The following TTC17 variants were observed in gnomAD, a reference collection of about 807,000 sequenced individuals.
TTC17 encodes the protein tetratricopeptide repeat protein 17.
In TTC17, 58 loss-of-function variants were observed where a neutral mutation model predicts 143.8. The ratio of observed to expected loss-of-function variants is 0.40; its 90% confidence interval spans 0.33 to 0.50. The LOEUF is 0.50. TTC17 is among the 20% of genes least tolerant of loss of function. The probability of loss-of-function intolerance (pLI) is 0.49; values close to 1 mark genes in which losing one functional copy is unlikely to be tolerated. For missense variants in TTC17, 1,273 were observed against 1,392.5 expected (o/e 0.91, Z 1.37); for synonymous variants, 501 against 497.8 (o/e 1.01, Z -0.09).
intron 16 of TTC17, chr11:43,436,168 T>A: frequency 7.2e-7 from 1 of 1,392,120 alleles, no homozygotes; most frequent in Non-Finnish European, 9.3e-7. Flanking sequence ...ATTGAGGTAA[T>A]TGTCATGAGA....
In TTC17 at chr11:43,430,803, A is replaced by G. The variant is rs367998391; in HGVS notation, c.2252-12522A>G. On this transcript the variant is annotated intron_variant, in intron 16 of 23. Coordinates refer to ENST00000039989, the MANE Select transcript of TTC17 (RefSeq NM_018259.6). ...ACTTCTTTTTTTAATTATTATTATTATACTTGAAGTTCTGGGATACATGTG... is the reference window on the plus strand; with the variant it reads ...ACTTCTTTTTTTAATTATTATTATTGTACTTGAAGTTCTGGGATACATGTG... Among the ~76,000 whole-genome samples, 57 of 151,560 alleles carry G rather than the reference A, an allele frequency of 3.8e-4. No homozygotes were observed. In the Middle Eastern group the frequency reaches 0.01, roughly 27 times the overall value.
intron 2 of TTC17, among the ~76,000 whole-genome samples, chr11:43,388,238 T>A (rs796583295): frequency 2.0e-5 from 3 of 152,270 alleles, no homozygotes; most frequent in African/African-American, 7.2e-5. Context: ...AATGAAAAAT[T>A]TAGAGCTATC....
intron 21 of TTC17, among the ~76,000 whole-genome samples, chr11:43,461,402 A>C (rs988510347): frequency 1.3e-5 from 2 of 150,164 alleles, no homozygotes; most frequent in Non-Finnish European, 3.0e-5. Flanking sequence ...AAAAAAAAAA[A>C]AAAAAAAAAA....
At chr11:43,417,796 A>G (rs1186181535) in intron 16 of TTC17, among the ~76,000 whole-genome samples, 2 of 152,236 alleles carry the variant, frequency 1.3e-5, no homozygotes, top group East Asian at 3.8e-4. Context: ...GGTTGCGGTG[A>G]GCTGAGATTG....
At chr11:43,364,288 C>G (rs1856242582) in intron 1 of TTC17, among the ~76,000 whole-genome samples, 1 of 152,028 alleles carries the variant, frequency 6.6e-6, no homozygotes, top group Non-Finnish European at 1.5e-5. Flanking sequence ...AACTCCAGGC[C>G]TCAAGCGATC....
intron 16 of TTC17, among the ~76,000 whole-genome samples, chr11:43,427,172 G>C (rs1947048521): frequency 6.6e-6 from 1 of 152,194 alleles, no homozygotes; most frequent in African/African-American, 2.4e-5. Context: ...AACCAAGTCT[G>C]TTGGTTTTCC....
chr11:43,400,084 G>A lies in TTC17; in HGVS notation c.1219+36G>A, dbSNP rs376611810. On this transcript the variant is annotated intron_variant, in intron 9 of 23. Transcript: ENST00000039989. ...ACTCCAAGTAATTGAAGACAGGTTAGGAAATTCACTTTTAGCATGCTTTAC... is the reference window on the plus strand; with the variant it reads ...ACTCCAAGTAATTGAAGACAGGTTAAGAAATTCACTTTTAGCATGCTTTAC... The A allele has an allele frequency of 3.3e-5, 52 of 1,593,544 alleles. No individual in the cohort carries two copies. In the South Asian group the frequency reaches 4.2e-4, roughly 13 times the overall value.
At chr11:43,474,358 T>C (rs932064157) in intron 21 of TTC17, among the ~76,000 whole-genome samples, 28 of 152,200 alleles carry the variant, frequency 1.8e-4, no homozygotes, top group Non-Finnish European at 3.8e-4. Flanking sequence ...GAAAAAGATA[T>C]TTTAAAATGA....
chr11:43,470,367 A>C (rs1948069344), intron 21 of TTC17, among the ~76,000 whole-genome samples: 1 of 152,168 alleles, frequency 6.6e-6, no homozygotes, highest in Non-Finnish European at 1.5e-5. Context: ...TGTGGGAACT[A>C]CCCTAGTTTA....
intron 18 of TTC17, chr11:43,446,777 C>A: frequency 1.5e-6 from 1 of 645,662 alleles, no homozygotes; most frequent in Non-Finnish European, 1.9e-6. Context: ...CCTTCCCAGA[C>A]AAGACAGTTC....
At chr11:43,487,366 G>A (rs1465750676) in intron 21 of TTC17, among the ~76,000 whole-genome samples, 4 of 152,162 alleles carry the variant, frequency 2.6e-5, no homozygotes, top group South Asian at 2.1e-4. Flanking sequence ...GGCTGGTTTC[G>A]AACTCCTGAC....
At chr11:43,379,587 C>T (rs1197394751) in intron 2 of TTC17, among the ~76,000 whole-genome samples, 1 of 151,994 alleles carries the variant, frequency 6.6e-6, no homozygotes, top group Non-Finnish European at 1.5e-5. Context: ...TATCTTTGAA[C>T]AGAATTTCTG....
intron 1 of TTC17, among the ~76,000 whole-genome samples, chr11:43,362,343 G>A (rs1856150875): frequency 6.6e-6 from 1 of 152,076 alleles, no homozygotes; most frequent in Admixed American, 6.5e-5. Flanking sequence ...AGTACATCAA[G>A]GAGTCTTTCC....
intron 15 of TTC17, among the ~76,000 whole-genome samples, chr11:43,408,803 G>A (rs982416996): frequency 6.6e-6 from 1 of 151,836 alleles, no homozygotes; most frequent in Non-Finnish European, 1.5e-5. Flanking sequence ...GTGCAGTGGC[G>A]TGGTCACGGC....
Position 43,473,046 on chromosome 11 carries a change from G to A in TTC17, c.3031-17193G>A, listed in dbSNP as rs114746461. Among the ~76,000 whole-genome samples, 952 of 151,602 alleles carry A rather than the reference G, an allele frequency of 6.3e-3. 13 individuals carry two copies. The highest frequency in any genetic ancestry group is 0.021 in the African/African-American group (886 of 41,306). On this transcript the variant is annotated intron_variant, in intron 21 of 23. Transcript: ENST00000039989. The stretch of plus-strand genomic sequence containing the variant: ...AAAAATTAACCATGTGCGGTGGTGC[G>A]TGCCTGTAATCCCAGCTACTTGGGA...
intron 1 of TTC17, 165 bp downstream of exon 1, chr11:43,359,278 C>A: frequency 1.2e-6 from 1 of 823,670 alleles, no homozygotes; most frequent in Non-Finnish European, 1.8e-6. Context: ...CAGGCAGGCA[C>A]TTCCCGCTCC....
chr11:43,480,712 A>T (rs1207548868), intron 21 of TTC17, among the ~76,000 whole-genome samples: 1 of 152,200 alleles, frequency 6.6e-6, no homozygotes, highest in Non-Finnish European at 1.5e-5. Context: ...TTAGGTTTTC[A>T]AAAGCCCTTT....
intron 2 of TTC17, among the ~76,000 whole-genome samples, chr11:43,380,737 A>G (rs941788035): frequency 6.6e-6 from 1 of 152,256 alleles, no homozygotes; most frequent in Non-Finnish European, 1.5e-5. Context: ...CATGGTAACC[A>G]GCTCTGCCTA....
chr11:43,457,191 A>C (rs1412288930), intron 21 of TTC17, among the ~76,000 whole-genome samples: 1 of 152,042 alleles, frequency 6.6e-6, no homozygotes, highest in Non-Finnish European at 1.5e-5. Flanking sequence ...TTAGGTCTAG[A>C]TTAGTTCCTA....
Sources: gnomAD v4.1 joint callset for allele counts (sites outside exome capture counted in the v4.1 genomes callset) on GRCh38, gnomAD v4.1.1 for gene constraint, MANE v1.5 for transcripts, NCBI Gene and HGNC (gene_info 2026-07-23, HGNC 2026-07-21) for gene names.